DAW1: variants seen among roughly 807,000 people sequenced by gnomAD.
DAW1 encodes the protein dynein assembly factor with WD repeats 1, also known as dynein assembly factor with WD repeat domains 1.
DAW1 carries 47 observed loss-of-function variants against 56.5 expected under a neutral mutation model. The observed-to-expected ratio is 0.83, with a 90% CI of 0.66 to 1.06. The LOEUF (loss-of-function observed/expected upper bound fraction) is 1.06. Ranked by LOEUF, DAW1 falls within the 50% of genes least tolerant of loss-of-function variation. DAW1 has a pLI of 0.00. For synonymous variants in DAW1, 190 were observed against 179.0 expected, an observed-to-expected ratio of 1.06 and a Z score of -0.49; for missense variants, 505 against 499.3, an observed-to-expected ratio of 1.01 and a Z score of -0.11.
At chr2:227,901,462 A>C (rs1400758740) in intron 6 of DAW1, among the ~76,000 whole-genome samples, 1 of 152,222 alleles carries the variant, frequency 6.6e-6, no homozygotes, top group Non-Finnish European at 1.5e-5. Context: ...AGTCACTGGC[A>C]TCTGGGTGGC....
Position 227,906,293 on chromosome 2 carries a change from G to A in DAW1, c.813G>A (p.Trp271Ter). 6.2e-7 allele frequency: 1 copy of A among 1,612,786 alleles called. No homozygotes were observed. The highest frequency in any genetic ancestry group is 1.7e-4 in the Middle Eastern group (1 of 6,058). Residue 271 changes from tryptophan to a stop codon, truncating the protein, a stop_gained, in exon 9 of 13, where the codon TGG (tryptophan) becomes TGA (stop). Transcript: ENST00000309931. LOFTEE classifies it high-confidence loss of function. ...CAEISSASFN[W>*]DCSLILTGSM... ...AGATTAGCAGTGCCTCATTCAATTG[G>A]GATTGCTCTCTAATATTAACTGGCT...
rs1379486475 is a variant in DAW1, at chr2:227,889,862, T to C, written c.120T>C (p.Asp40=). The change falls in exon 3 of 13, where the codon GAT becomes GAC. Residue 40 remains aspartate, a synonymous_variant. Coordinates refer to ENST00000309931, the MANE Select transcript of DAW1 (RefSeq NM_178821.3). ...IDLLDLGPST[D]VSALVEEIQK... ...TTTTTTGGGTGTATTTCAGCACTGA[T>C]GTCAGTGCGTTAGTAGAAGAAATCC... The C allele has an allele frequency of 1.3e-6, 2 of 1,594,322 alleles. No homozygotes were observed. Among genetic ancestry groups the C allele is most frequent in the South Asian group, 2.3e-5 (2 of 86,552 alleles).
In DAW1 at chr2:227,906,233, T is replaced by C; in HGVS notation, c.756-3T>C. ...ACTAGTTTTAATTATTTTTGTGTTG[T>C]AGGAAGGTAAATATCTTAATTGGTC... On this transcript the variant is annotated splice_polypyrimidine_tract_variant and splice_region_variant and intron_variant, in intron 8 of 12. Transcript: ENST00000309931. 6.2e-7 allele frequency: 1 copy of C among 1,607,664 alleles called. No individual in the cohort carries two copies. The highest frequency in any genetic ancestry group is 8.5e-7 in the Non-Finnish European group (1 of 1,175,838).
intron 11 of DAW1, among the ~76,000 whole-genome samples, chr2:227,920,964 C>A (rs796568366): frequency 2.6e-4 from 39 of 152,286 alleles, no homozygotes; most frequent in African/African-American, 9.4e-4. Context: ...CGGTCCTGAG[C>A]CACCGCCCCT....
chr2:227,906,197 A>T (rs538782316), intron 8 of DAW1, 39 bp from the exon 9 acceptor site: 11 of 1,522,928 alleles, frequency 7.2e-6, no homozygotes, highest in Middle Eastern at 1.7e-4. Context: ...TACTGAAGTA[A>T]GATATCTTTC....
chr2:227,892,247 C>A (rs1194488551), intron 4 of DAW1, among the ~76,000 whole-genome samples: 2 of 152,170 alleles, frequency 1.3e-5, no homozygotes, highest in Non-Finnish European at 2.9e-5. Flanking sequence ...ATTCTCCTGC[C>A]TCAGCCTCCT....
At chr2:227,918,357 G>A (rs943130747) in intron 10 of DAW1, among the ~76,000 whole-genome samples, 2 of 152,148 alleles carry the variant, frequency 1.3e-5, no homozygotes, top group African/African-American at 2.4e-5. Context: ...GTTGAGTAGC[G>A]GCTGATGCTC....
chr2:227,920,981 G>T (rs571612342), intron 11 of DAW1, among the ~76,000 whole-genome samples: 1 of 152,130 alleles, frequency 6.6e-6, no homozygotes, highest in Non-Finnish European at 1.5e-5. Context: ...CCCTGGCCCG[G>T]ATCTGTGTGC....
chr2:227,905,897 G>A (rs1216460622), intron 8 of DAW1, among the ~76,000 whole-genome samples: 2 of 152,152 alleles, frequency 1.3e-5, no homozygotes, highest in African/African-American at 4.8e-5. Flanking sequence ...AGGGACTACA[G>A]GCGCCCACCA....
chr2:227,908,705 A>G (rs1400687492), intron 10 of DAW1, among the ~76,000 whole-genome samples: 3 of 152,192 alleles, frequency 2.0e-5, no homozygotes, highest in Non-Finnish European at 4.4e-5. Flanking sequence ...ACACTAAACT[A>G]TGTCTACACC....
rs772777140 is a variant in DAW1 at position 227,921,483 on chromosome 2, T to G, written c.1135T>G (p.Cys379Gly). Residue 379 changes from cysteine (C) to glycine (G), a missense_variant, in exon 12 of 13, where the codon TGC (cysteine) becomes GGC (glycine). By Grantham distance (159) the Cys-to-Gly change is radical (BLOSUM62 -3). Transcript: ENST00000309931. Reference protein sequence around the residue: ...ARIWDAQTGQCLQVLEGHTDE... With the variant: ...ARIWDAQTGQGLQVLEGHTDE... Reference sequence around the variant, plus strand: ...AATCTGGGATGCTCAGACTGGCCAGTGCCTCCAGGTTCTTGAGGGGCACAC... The same window carrying G: ...AATCTGGGATGCTCAGACTGGCCAGGGCCTCCAGGTTCTTGAGGGGCACAC... The G allele has an allele frequency of 6.2e-7, 1 of 1,613,950 alleles. No individual in the cohort carries two copies. Among genetic ancestry groups the G allele is most frequent in the African/African-American group, 1.3e-5 (1 of 74,882 alleles).
chr2:227,917,130 A>ATCTG (rs1479123638), intron 10 of DAW1, among the ~76,000 whole-genome samples: 2 of 143,528 alleles, frequency 1.4e-5, no homozygotes, highest in African/African-American at 2.8e-5. Context: ...CTATCTATCT[A>ATCTG]TCTATCTATC....
At chr2:227,923,635 G>A (rs192573284) in intron 12 of DAW1, among the ~76,000 whole-genome samples, 1 of 152,060 alleles carries the variant, frequency 6.6e-6, no homozygotes, top group South Asian at 2.1e-4. Context: ...AGAGGGGATG[G>A]CTGAGGTGGC....
chr2:227,920,814 T>C (rs551619007), intron 11 of DAW1, among the ~76,000 whole-genome samples: 110 of 152,242 alleles, frequency 7.2e-4, no homozygotes, highest in Non-Finnish European at 1.4e-3. Flanking sequence ...GTAGCTGGAA[T>C]TACAGGTGTG....
chr2:227,917,047 A>T (rs1624429), intron 10 of DAW1, among the ~76,000 whole-genome samples: 65,165 of 151,724 alleles, frequency 0.43, 14,401 homozygotes, highest in Middle Eastern at 0.53. Flanking sequence ...TGTTTATGTT[A>T]TCTCTCTGAC....
chr2:227,892,120 C>T (rs539017666), intron 4 of DAW1, among the ~76,000 whole-genome samples: 1 of 151,460 alleles, frequency 6.6e-6, no homozygotes, highest in East Asian at 1.9e-4. Flanking sequence ...GCGGCATGAT[C>T]TCATCCTAAC....
At chr2:227,892,585 C>T (rs1691290461) in intron 4 of DAW1, among the ~76,000 whole-genome samples, 1 of 152,158 alleles carries the variant, frequency 6.6e-6, no homozygotes, top group African/African-American at 2.4e-5. Context: ...TGTATAGTTG[C>T]AAATGCGAGT....
At chr2:227,914,321 A>G (rs10469677) in intron 10 of DAW1, among the ~76,000 whole-genome samples, 30,083 of 151,966 alleles carry the variant, frequency 0.2, 3,248 homozygotes, top group Middle Eastern at 0.32. Context: ...GGCTGGTGCT[A>G]TAATACTATA....
chr2:227,922,152 C>G (rs1215204713), intron 12 of DAW1, among the ~76,000 whole-genome samples: 1 of 152,070 alleles, frequency 6.6e-6, no homozygotes, highest in African/African-American at 2.4e-5. Flanking sequence ...GACCCTGTCT[C>G]AAGAAAAAAG....
Sources: allele counts gnomAD v4.1 joint callset (sites outside exome capture counted in the v4.1 genomes callset), GRCh38; gene constraint gnomAD v4.1.1; transcripts MANE v1.5; gene names NCBI Gene and HGNC (gene_info 2026-07-23, HGNC 2026-07-21).